CFAP299: variants seen among roughly 807,000 people sequenced by gnomAD.
The protein encoded by CFAP299 is cilia and flagella associated protein 299, also known as cilia- and flagella-associated protein 299.
CFAP299 carries 21 observed loss-of-function variants against 27.0 expected under a neutral mutation model. The observed-to-expected ratio is 0.78, with a 90% confidence interval of 0.55 to 1.12. The LOEUF is 1.12. CFAP299 is among the 50% of genes most tolerant of loss of function. CFAP299 has a pLI of 0.00. For missense variants in CFAP299, 310 were observed against 276.6 expected, an observed-to-expected ratio of 1.12 and a Z score of -0.86; for synonymous variants, 104 against 98.1, an observed-to-expected ratio of 1.06 and a Z score of -0.36.
chr4:80,744,247 C>A (rs1035369729), intron 3 of CFAP299, among the ~76,000 whole-genome samples: 1 of 152,086 alleles, frequency 6.6e-6, no homozygotes, highest in African/African-American at 2.4e-5. Flanking sequence ...GCTGCCACTG[C>A]CTTTCCATTT....
intron 3 of CFAP299, among the ~76,000 whole-genome samples, chr4:80,796,301 G>A (rs927367219): frequency 5.3e-5 from 8 of 152,130 alleles, no homozygotes; most frequent in Non-Finnish European, 8.8e-5. Flanking sequence ...AGTTTAGTTG[G>A]ATTTATTTCC....
chr4:80,422,669 T>C (rs979603789), intron 2 of CFAP299, among the ~76,000 whole-genome samples: 4 of 152,202 alleles, frequency 2.6e-5, no homozygotes, highest in African/African-American at 9.6e-5. Flanking sequence ...TTGAGTATAC[T>C]TAAATAAACT....
intron 3 of CFAP299, among the ~76,000 whole-genome samples, chr4:80,716,392 T>A (rs1722482525): frequency 6.7e-6 from 1 of 150,014 alleles, no homozygotes; most frequent in Non-Finnish European, 1.5e-5. Flanking sequence ...TATATATATA[T>A]AATATATTCT....
At chr4:80,574,069 A>G (rs945795208) in intron 2 of CFAP299, among the ~76,000 whole-genome samples, 8 of 152,052 alleles carry the variant, frequency 5.3e-5, no homozygotes, top group African/African-American at 1.7e-4. Flanking sequence ...TTTTAACAAT[A>G]TTGTTTCTTC....
intron 3 of CFAP299, among the ~76,000 whole-genome samples, chr4:80,669,444 T>C (rs1012452080): frequency 1.3e-5 from 2 of 152,068 alleles, no homozygotes; most frequent in African/African-American, 4.8e-5. Flanking sequence ...TGAGCCACCG[T>C]GCCTGGCCAG....
Position 80,838,658 on chromosome 4 carries a change from T to G in CFAP299, c.334-31335T>G, listed in dbSNP as rs1730696069. On this transcript the variant is annotated intron_variant, in intron 3 of 5. Coordinates refer to ENST00000358105, the MANE Select transcript of CFAP299 (RefSeq NM_152770.3). ...GGTACCAGTACCATGCTGTTTTGGT[T>G]AATGTAGCCTTATAGTGTAGTTTGA... Among the ~76,000 whole-genome samples, 3 of 152,160 alleles carry G rather than the reference T, an allele frequency of 2.0e-5. No homozygotes were observed. The South Asian group carries it at 6.2e-4, about 32-fold the overall frequency.
intron 2 of CFAP299, among the ~76,000 whole-genome samples, chr4:80,424,150 A>G (rs1560561129): frequency 6.6e-6 from 1 of 152,116 alleles, no homozygotes; most frequent in Non-Finnish European, 1.5e-5. Flanking sequence ...CTTTGCTTCC[A>G]GTCTTAAGCC....
chr4:80,390,737 A>G (rs997977073), intron 2 of CFAP299, among the ~76,000 whole-genome samples: 3 of 145,994 alleles, frequency 2.1e-5, no homozygotes, highest in East Asian at 2.0e-4. Context: ...GTATATATGT[A>G]TATATGTATA....
intron 4 of CFAP299, among the ~76,000 whole-genome samples, chr4:80,937,219 TTTA>T (rs1362386930): frequency 2.0e-5 from 3 of 152,086 alleles, no homozygotes; most frequent in Admixed American, 2.0e-4. Context: ...TTGAGAGTTT[TTTA>T]AAGTCTATTT....
At chr4:80,929,491 A>G (rs951196337) in intron 4 of CFAP299, among the ~76,000 whole-genome samples, 1 of 152,062 alleles carries the variant, frequency 6.6e-6, no homozygotes, top group African/African-American at 2.4e-5. Context: ...GTACCCATCC[A>G]GTCTCTGAAG....
rs143374660 is a variant in CFAP299 at position 80,900,918 on chromosome 4, A to G, written c.476+30783A>G. On this transcript the variant is annotated intron_variant, in intron 4 of 5. Transcript: ENST00000358105. Reference sequence around the variant, plus strand: ...ATTCTGAGGATCAATATGGTATTGCATAAAAACCAACCCACAGTAGATGCT... The same window carrying G: ...ATTCTGAGGATCAATATGGTATTGCGTAAAAACCAACCCACAGTAGATGCT... Among the ~76,000 whole-genome samples, 614 of 152,204 alleles carry G rather than the reference A, an allele frequency of 4.0e-3. 1 individual carries two copies. Among genetic ancestry groups the G allele is most frequent in the Middle Eastern group, 0.014 (4 of 294 alleles).
intron 3 of CFAP299, among the ~76,000 whole-genome samples, chr4:80,801,128 T>C (rs561320978): frequency 2.5e-4 from 38 of 151,538 alleles, no homozygotes; most frequent in African/African-American, 9.2e-4. Flanking sequence ...CCAGAATCAA[T>C]ACTTTGCATC....
intron 2 of CFAP299, among the ~76,000 whole-genome samples, chr4:80,408,558 A>G (rs1438790294): frequency 6.6e-6 from 1 of 151,794 alleles, no homozygotes. Context: ...AGTTTCTCCC[A>G]GTTGGTAATT....
At chr4:80,638,032 G>A (rs1441519444) in intron 3 of CFAP299, among the ~76,000 whole-genome samples, 1 of 152,104 alleles carries the variant, frequency 6.6e-6, no homozygotes. Flanking sequence ...AGAAAATTTG[G>A]TGGCTACAGG....
At chr4:80,607,934 C>A (rs13141796) in intron 3 of CFAP299, among the ~76,000 whole-genome samples, 17,268 of 152,014 alleles carry the variant, frequency 0.11, 1,122 homozygotes, top group South Asian at 0.21. Context: ...GAACTGGGAG[C>A]CTATGTATTG....
chr4:80,439,371 T>A (rs991792811), intron 2 of CFAP299, among the ~76,000 whole-genome samples: 8 of 152,142 alleles, frequency 5.3e-5, no homozygotes, highest in Non-Finnish European at 1.2e-4. Context: ...TGGGACTGGT[T>A]AGACAGTGGG....
Position 80,937,387 on chromosome 4 carries a change from C to A in CFAP299, c.477-7423C>A, listed in dbSNP as rs59501911. Among the ~76,000 whole-genome samples the A allele has an allele frequency of 4.2e-3, 569 of 136,232 alleles. 1 individual carries two copies. The highest frequency in any genetic ancestry group is 0.017 in the Middle Eastern group (4 of 234). The allele number at this position is 136,232 out of a possible 152,430, so 89.4% of individuals were successfully genotyped here. A position where few individuals can be genotyped will look rare whatever the true frequency, so the allele number is the denominator to read the frequency against. ...GCTGGAGTACAGTTGTGTGATCACA[C>A]CTCACTCTAGCATCAATATCCCAGG... On this transcript the variant is annotated intron_variant, in intron 4 of 5. Transcript: ENST00000358105.
intron 2 of CFAP299, among the ~76,000 whole-genome samples, chr4:80,551,737 T>G (rs1734522184): frequency 6.6e-6 from 1 of 151,998 alleles, no homozygotes; most frequent in Admixed American, 6.6e-5. Flanking sequence ...GCTTTCCATG[T>G]AAGTGATATA....
intron 3 of CFAP299, among the ~76,000 whole-genome samples, chr4:80,687,287 G>A (rs909093392): frequency 1.6e-4 from 25 of 151,996 alleles, no homozygotes; most frequent in Admixed American, 1.0e-3. Context: ...TCTACCACTC[G>A]TGATCTCCTC....
Sources: allele counts gnomAD v4.1 joint callset (sites outside exome capture counted in the v4.1 genomes callset), GRCh38; gene constraint gnomAD v4.1.1; transcripts MANE v1.5; gene names NCBI Gene and HGNC (gene_info 2026-07-23, HGNC 2026-07-21).